Variants in ADGRB3 observed in about 807,000 individuals in gnomAD.
The protein encoded by ADGRB3 is brain-specific angiogenesis inhibitor 3.
In ADGRB3, 37 loss-of-function variants were observed where a neutral mutation model predicts 193.4. The ratio of observed to expected loss-of-function variants is 0.19; its 90% CI spans 0.15 to 0.25. The LOEUF (loss-of-function observed/expected upper bound fraction) is 0.25. ADGRB3 is among the 10% of genes least tolerant of loss of function. ADGRB3 has a pLI of 1.00. For missense variants in ADGRB3, 1,637 were observed against 1,852.9 expected, an observed-to-expected ratio of 0.88 and a Z score of 2.14; for synonymous variants, 690 against 644.2, an observed-to-expected ratio of 1.07 and a Z score of -1.08.
chr6:68,782,217 T>C (rs367829743), intron 3 of ADGRB3, among the ~76,000 whole-genome samples: 1 of 148,220 alleles, frequency 6.7e-6, no homozygotes. Flanking sequence ...TGAGAACATG[T>C]GGTGTTTGGT....
chr6:68,885,316 C>T (rs1157744206), intron 3 of ADGRB3, among the ~76,000 whole-genome samples: 1 of 152,012 alleles, frequency 6.6e-6, no homozygotes, highest in Admixed American at 6.6e-5. Context: ...GTATGGAATG[C>T]GACCTTCTCC....
intron 3 of ADGRB3, among the ~76,000 whole-genome samples, chr6:68,680,324 AAGC>A (rs969398070): frequency 6.6e-5 from 10 of 152,264 alleles, no homozygotes; most frequent in Admixed American, 5.2e-4. Context: ...AAAAAGAAGA[AAGC>A]AGAAAAGATA....
intron 3 of ADGRB3, among the ~76,000 whole-genome samples, chr6:68,902,906 T>C (rs1024521449): frequency 1.3e-5 from 2 of 152,176 alleles, no homozygotes; most frequent in Non-Finnish European, 2.9e-5. Flanking sequence ...TTTTATTTCA[T>C]TGCAACTTCT....
chr6:68,802,614 G>A (rs1767333784), intron 3 of ADGRB3, among the ~76,000 whole-genome samples: 1 of 152,176 alleles, frequency 6.6e-6, no homozygotes, highest in Non-Finnish European at 1.5e-5. Flanking sequence ...CAATTGGTCA[G>A]TTGAAATGCA....
chr6:69,002,578 A>G (rs772821311), intron 11 of ADGRB3, among the ~76,000 whole-genome samples: 2 of 152,182 alleles, frequency 1.3e-5, no homozygotes, highest in Non-Finnish European at 2.9e-5. Context: ...GATTACTCCC[A>G]TGCTGATTAT....
chr6:69,328,704 T>G (rs1232918314), intron 22 of ADGRB3, among the ~76,000 whole-genome samples: 3 of 152,252 alleles, frequency 2.0e-5, no homozygotes, highest in Non-Finnish European at 4.4e-5. Context: ...TTTCACCTGT[T>G]TATCCTAAAG....
intron 17 of ADGRB3, among the ~76,000 whole-genome samples, chr6:69,143,702 A>AT (rs1387481936): frequency 2.0e-5 from 3 of 151,752 alleles, no homozygotes; most frequent in South Asian, 2.1e-4. Context: ...AGTTGTATGG[A>AT]TTTTTTTCTG....
intron 28 of ADGRB3, among the ~76,000 whole-genome samples, chr6:69,359,589 A>G (rs1561998493): frequency 2.0e-5 from 3 of 151,894 alleles, no homozygotes; most frequent in Non-Finnish European, 2.9e-5. Context: ...TCTTGTTTCT[A>G]TGTAACAGGG....
chr6:69,358,701 T>C (rs1324968807), intron 28 of ADGRB3, among the ~76,000 whole-genome samples: 1 of 151,910 alleles, frequency 6.6e-6, no homozygotes, highest in Non-Finnish European at 1.5e-5. Flanking sequence ...ATTCAGTTGC[T>C]TTATATTTTG....
chr6:68,811,625 T>C (rs1482106287), intron 3 of ADGRB3, among the ~76,000 whole-genome samples: 2 of 152,054 alleles, frequency 1.3e-5, no homozygotes, highest in Non-Finnish European at 2.9e-5. Context: ...TACACCACCA[T>C]GCCTGGCTAA....
intron 3 of ADGRB3, among the ~76,000 whole-genome samples, chr6:68,894,421 AG>A (rs2150230375): frequency 6.6e-6 from 1 of 152,086 alleles, no homozygotes; most frequent in Non-Finnish European, 1.5e-5. Context: ...ATGAGTTACA[AG>A]GTATATGTCA....
chr6:69,141,597 A>C (rs148982032), intron 17 of ADGRB3, among the ~76,000 whole-genome samples: 4 of 152,162 alleles, frequency 2.6e-5, no homozygotes, highest in African/African-American at 9.6e-5. Context: ...AGGAAATATG[A>C]AGAGGTCAGA....
intron 19 of ADGRB3, among the ~76,000 whole-genome samples, chr6:69,237,183 A>G (rs1766282385): frequency 6.6e-6 from 1 of 152,028 alleles, no homozygotes; most frequent in Non-Finnish European, 1.5e-5. Context: ...CATGTAGGGT[A>G]TATATTGTGT....
chr6:69,180,463 T>G (rs1775549486), intron 17 of ADGRB3, among the ~76,000 whole-genome samples: 1 of 152,026 alleles, frequency 6.6e-6, no homozygotes, highest in Admixed American at 6.5e-5. Flanking sequence ...TGTACAACAA[T>G]CTGTGTCTAG....
At chr6:68,865,621 A>G (rs1336138528) in intron 3 of ADGRB3, among the ~76,000 whole-genome samples, 2 of 152,040 alleles carry the variant, frequency 1.3e-5, no homozygotes, top group Non-Finnish European at 2.9e-5. Context: ...GGGTCCCTTT[A>G]TCTGGTGGAC....
chr6:68,828,933 A>C (rs942278114), intron 3 of ADGRB3, among the ~76,000 whole-genome samples: 1 of 152,132 alleles, frequency 6.6e-6, no homozygotes, highest in African/African-American at 2.4e-5. Context: ...TAATTTTCAC[A>C]GAAGGAAATT....
At chr6:68,682,139 C>G (rs183471834) in intron 3 of ADGRB3, among the ~76,000 whole-genome samples, 2 of 152,216 alleles carry the variant, frequency 1.3e-5, no homozygotes, top group African/African-American at 4.8e-5. Flanking sequence ...CTGAATCTTT[C>G]TTTCCAAAAC....
intron 17 of ADGRB3, among the ~76,000 whole-genome samples, chr6:69,152,704 A>G (rs1341014802): frequency 6.6e-6 from 1 of 152,246 alleles, no homozygotes; most frequent in Non-Finnish European, 1.5e-5. Flanking sequence ...AAGTTGATCC[A>G]TCACAAAGGA....
intron 3 of ADGRB3, among the ~76,000 whole-genome samples, chr6:68,688,016 C>G (rs1765013019): frequency 6.6e-6 from 1 of 152,106 alleles, no homozygotes; most frequent in African/African-American, 2.4e-5. Flanking sequence ...ATAATGTTAT[C>G]TCTATGTGGC....
Sources: gnomAD v4.1 joint callset for allele counts (sites outside exome capture counted in the v4.1 genomes callset) on GRCh38, gnomAD v4.1.1 for gene constraint, MANE v1.5 for transcripts, NCBI Gene and HGNC (gene_info 2026-07-23, HGNC 2026-07-21) for gene names.